Variants in GLIS1 observed in about 807,000 individuals in gnomAD.
The protein encoded by GLIS1 is GLIS family zinc finger 1.
A neutral mutation model predicts 63.8 loss-of-function variants in GLIS1; 24 were observed. The observed-to-expected ratio is 0.38, with a 90% CI of 0.27 to 0.53. The LOEUF is 0.53. Among genes scored for constraint, GLIS1 ranks in the 20% least tolerant of loss-of-function variants. The pLI is 0.85. For missense variants in GLIS1, 1,036 were observed against 1,074.1 expected (o/e 0.96, Z 0.50); for synonymous variants, 450 against 482.5 (o/e 0.93, Z 0.88).
chr1:53,630,657 C>T (rs1432770648), intron 2 of GLIS1, among the ~76,000 whole-genome samples: 2 of 151,950 alleles, frequency 1.3e-5, no homozygotes, highest in African/African-American at 4.8e-5. Flanking sequence ...CACCATGGCT[C>T]GCTAATTTTT....
intron 6 of GLIS1, among the ~76,000 whole-genome samples, chr1:53,522,041 G>T (rs891317820): frequency 1.3e-5 from 2 of 152,238 alleles, no homozygotes; most frequent in Non-Finnish European, 2.9e-5. Flanking sequence ...CTTGGAGAAG[G>T]CAAGCCCAGC....
rs144356638 is a variant in GLIS1 at position 53,622,937 on chromosome 1, C to G, written c.260-22659G>C. 9.1e-4 allele frequency among the ~76,000 whole-genome samples: 139 copies of G among 152,288 alleles called. 1 individual carries two copies. The highest frequency in any genetic ancestry group is 3.2e-3 in the African/African-American group (131 of 41,560). On this transcript the variant is annotated intron_variant, in intron 2 of 10. Transcript: ENST00000628545. Reference sequence around the variant, plus strand: ...TTATTCTTTGCCATTTTCTGTTTTACCAATTCTTATCTTTTTTTAAAGCAT... The same window carrying G: ...TTATTCTTTGCCATTTTCTGTTTTAGCAATTCTTATCTTTTTTTAAAGCAT...
intron 4 of GLIS1, among the ~76,000 whole-genome samples, chr1:53,570,244 G>A (rs1053145866): frequency 6.6e-6 from 1 of 151,456 alleles, no homozygotes; most frequent in Non-Finnish European, 1.5e-5. Flanking sequence ...AGCCTCCCAA[G>A]TCACTGGGAC....
chr1:53,651,516 G>T (rs1031246764), intron 2 of GLIS1, among the ~76,000 whole-genome samples: 5 of 151,690 alleles, frequency 3.3e-5, no homozygotes, highest in Non-Finnish European at 5.9e-5. Flanking sequence ...AGGTGGGTCT[G>T]GGGGGGCGAC....
intron 4 of GLIS1, among the ~76,000 whole-genome samples, chr1:53,537,311 G>A (rs141686661): frequency 4.6e-5 from 7 of 152,298 alleles, no homozygotes; most frequent in African/African-American, 1.2e-4. Context: ...ATCTGTGGAC[G>A]GGCTAAGAGC....
chr1:53,738,233 C>A, intron 1 of GLIS1, 127 bp from the exon 2 acceptor site: 1 of 480,770 alleles, frequency 2.1e-6, no homozygotes, highest in Non-Finnish European at 3.3e-6. Context: ...GTTAGCACCA[C>A]GACACCTAGC....
At chr1:53,706,517 T>G (rs965958799) in intron 2 of GLIS1, among the ~76,000 whole-genome samples, 1 of 152,226 alleles carries the variant, frequency 6.6e-6, no homozygotes, top group Non-Finnish European at 1.5e-5. Flanking sequence ...AGGGACCGCC[T>G]GCCGCCTTCA....
chr1:53,695,658 G>T (rs1271386469), intron 2 of GLIS1, among the ~76,000 whole-genome samples: 1 of 152,196 alleles, frequency 6.6e-6, no homozygotes, highest in African/African-American at 2.4e-5. Context: ...GGCAGGAGGG[G>T]CGCGGGGTGG....
At chr1:53,678,235 C>T (rs1429084270) in intron 2 of GLIS1, among the ~76,000 whole-genome samples, 1 of 151,624 alleles carries the variant, frequency 6.6e-6, no homozygotes, top group East Asian at 1.9e-4. Context: ...AGCTGCAGCT[C>T]GCCGCAGATG....
rs571883611 is a variant in GLIS1, at chr1:53,530,795, C to A, written c.1321-843G>T. ...TCAGCCTTCAAAGTCAGCTCAAATG[C>A]TGCCTAGCGGAAGCAGCAGCCTCTC... On this transcript the variant is annotated intron_variant, in intron 4 of 10. Transcript: ENST00000628545. Among the ~76,000 whole-genome samples the A allele has an allele frequency of 3.3e-5, 5 of 152,348 alleles. 1 individual carries two copies. The highest frequency in any genetic ancestry group is 1.2e-4 in the African/African-American group (5 of 41,574).
intron 4 of GLIS1, among the ~76,000 whole-genome samples, chr1:53,549,104 T>C (rs1395844352): frequency 6.6e-6 from 1 of 152,236 alleles, no homozygotes; most frequent in Non-Finnish European, 1.5e-5. Flanking sequence ...TGCTGTCACA[T>C]GTGTCGATAC....
intron 2 of GLIS1, among the ~76,000 whole-genome samples, chr1:53,666,778 C>T (rs1023366887): frequency 4.1e-5 from 6 of 148,146 alleles, no homozygotes; most frequent in South Asian, 2.1e-4. Flanking sequence ...GGTCTGTGGG[C>T]CAGGCTGGGG....
At chr1:53,706,963 T>A (rs1361960973) in intron 2 of GLIS1, among the ~76,000 whole-genome samples, 1 of 152,204 alleles carries the variant, frequency 6.6e-6, no homozygotes, top group African/African-American at 2.4e-5. Context: ...AATCACAAAG[T>A]GCTCCTGGCT....
At chr1:53,537,538 C>T (rs1183489934) in intron 4 of GLIS1, among the ~76,000 whole-genome samples, 1 of 152,214 alleles carries the variant, frequency 6.6e-6, no homozygotes, top group Non-Finnish European at 1.5e-5. Flanking sequence ...AGTCACGCCT[C>T]ATTTCTGTCC....
intron 2 of GLIS1, among the ~76,000 whole-genome samples, chr1:53,627,779 G>A (rs1037105910): frequency 2.6e-5 from 4 of 152,148 alleles, no homozygotes; most frequent in Non-Finnish European, 4.4e-5. Flanking sequence ...GGGGAGGAGG[G>A]ACATAAGCAC....
At chr1:53,524,740 G>A (rs1183182400) in intron 6 of GLIS1, 37 bp downstream of exon 6, 8 of 1,489,888 alleles carry the variant, frequency 5.4e-6, no homozygotes, top group East Asian at 4.5e-5. Context: ...AGGCGGCTGC[G>A]AGGTGGGAGG....
intron 2 of GLIS1, among the ~76,000 whole-genome samples, chr1:53,699,882 A>G (rs998411109): frequency 6.6e-6 from 1 of 152,088 alleles, no homozygotes; most frequent in African/African-American, 2.4e-5. Context: ...ACCTAATCCT[A>G]ATTACTTCCC....
intron 6 of GLIS1, among the ~76,000 whole-genome samples, chr1:53,522,986 C>CTTTTTCTTTTTTTTTTTTTTTTTTT: frequency 2.3e-5 from 1 of 43,690 alleles, no homozygotes; most frequent in African/African-American, 4.4e-5. Flanking sequence ...TCTTTTCTTT[C>CTTTTTCTTTTTTTTTTTTTTTTTTT]TTTTTTTTTT....
chr1:53,668,332 C>A (rs1646116555), intron 2 of GLIS1, among the ~76,000 whole-genome samples: 1 of 152,122 alleles, frequency 6.6e-6, no homozygotes, highest in Non-Finnish European at 1.5e-5. Context: ...GATTACAATC[C>A]TGTATTTTTA....
Sources: allele counts gnomAD v4.1 joint callset (sites outside exome capture counted in the v4.1 genomes callset), GRCh38; gene constraint gnomAD v4.1.1; transcripts MANE v1.5; gene names NCBI Gene and HGNC (gene_info 2026-07-23, HGNC 2026-07-21).